Variants in AKNAD1 observed in about 807,000 individuals in gnomAD.
AKNAD1 encodes the protein protein AKNAD1.
In AKNAD1, 67 loss-of-function variants were observed where a neutral mutation model predicts 90.8. The ratio of observed to expected loss-of-function variants is 0.74; its 90% confidence interval spans 0.61 to 0.90. The LOEUF (loss-of-function observed/expected upper bound fraction) is 0.90, where lower values mean the gene tolerates loss of function less well. AKNAD1 is among the 40% of genes least tolerant of loss of function. The probability of loss-of-function intolerance (pLI) is 0.00; values close to 1 mark genes in which losing one functional copy is unlikely to be tolerated. For synonymous variants in AKNAD1, 327 were observed against 341.4 expected, an observed-to-expected ratio of 0.96 and a Z score of 0.46; for missense variants, 957 against 975.4, an observed-to-expected ratio of 0.98 and a Z score of 0.25.
At chr1:108,851,031 C>T (rs1233643970) in intron 2 of AKNAD1, among the ~76,000 whole-genome samples, 1 of 152,194 alleles carries the variant, frequency 6.6e-6, no homozygotes, top group South Asian at 2.1e-4. Flanking sequence ...GCATGAATAA[C>T]TAAGGGCATA....
At chr1:108,817,222 C>G in intron 14 of AKNAD1, 45 bp from the exon 15 acceptor site, 1 of 1,610,152 alleles carries the variant, frequency 6.2e-7, no homozygotes, top group Non-Finnish European at 8.5e-7. Flanking sequence ...GCGCCACCCT[C>G]AAGCACACTC....
At chr1:108,826,014 TGGCTGGTAAAGGAA>T (rs1349536899) in intron 11 of AKNAD1, among the ~76,000 whole-genome samples, 2 of 151,768 alleles carry the variant, frequency 1.3e-5, no homozygotes, top group Admixed American at 6.6e-5. Flanking sequence ...CACAGCTATA[TGGCTGGTAAAGGAA>T]GGACCTGGTG....
At chr1:108,855,089 T>C (rs1664991447) in intron 1 of AKNAD1, among the ~76,000 whole-genome samples, 1 of 152,132 alleles carries the variant, frequency 6.6e-6, no homozygotes, top group Non-Finnish European at 1.5e-5. Flanking sequence ...GTGGGGATAT[T>C]TAAAGGATAA....
At chr1:108,835,906 G>C (rs1165040411) in intron 7 of AKNAD1, among the ~76,000 whole-genome samples, 2 of 152,184 alleles carry the variant, frequency 1.3e-5, no homozygotes, top group Non-Finnish European at 2.9e-5. Context: ...TTACAGGCGT[G>C]AGCCACCGCA....
chr1:108,840,707 A>G (rs993937718), intron 6 of AKNAD1, among the ~76,000 whole-genome samples: 9 of 152,222 alleles, frequency 5.9e-5, no homozygotes, highest in African/African-American at 2.2e-4. Context: ...TGTATCTGAT[A>G]TAAGGGGCTT....
chr1:108,819,663 G>C (rs908342230), intron 14 of AKNAD1, among the ~76,000 whole-genome samples: 2 of 151,730 alleles, frequency 1.3e-5, no homozygotes, highest in Non-Finnish European at 2.9e-5. Flanking sequence ...TGTAATTCCA[G>C]TGCTTTGGGT....
intron 9 of AKNAD1, 147 bp from the exon 10 acceptor site, chr1:108,830,797 G>A (rs1346657941): frequency 2.8e-6 from 2 of 703,736 alleles, no homozygotes; most frequent in Non-Finnish European, 5.0e-6. Flanking sequence ...TCCAGTTGGG[G>A]AAAGGGAGGC....
chr1:108,843,377 C>T, intron 5 of AKNAD1, 110 bp from the exon 6 acceptor site: 1 of 1,319,792 alleles, frequency 7.6e-7, no homozygotes, highest in Admixed American at 2.3e-5. Context: ...ACAAAGCTGC[C>T]ATCCTTCTCC....
At chr1:108,840,917 T>A (rs1664533336) in intron 6 of AKNAD1, among the ~76,000 whole-genome samples, 1 of 152,184 alleles carries the variant, frequency 6.6e-6, no homozygotes, top group Non-Finnish European at 1.5e-5. Context: ...ATGCCTGTAA[T>A]CCCAGCACTT....
At chr1:108,857,414 C>T (rs967097165), upstream of AKNAD1, 1 of 153,076 alleles carries the variant, frequency 6.5e-6, no homozygotes, top group African/African-American at 2.4e-5. Flanking sequence ...ATCTGATGGA[C>T]TCAATTAAGA....
intron 2 of AKNAD1, among the ~76,000 whole-genome samples, chr1:108,850,363 C>G (rs562996287): frequency 4.6e-5 from 7 of 152,132 alleles, no homozygotes; most frequent in African/African-American, 7.2e-5. Context: ...ACCCCCATAC[C>G]AGAGGGAGAA....
chr1:108,851,025 G>C (rs1277206), intron 2 of AKNAD1, among the ~76,000 whole-genome samples: 1 of 151,972 alleles, frequency 6.6e-6, no homozygotes, highest in African/African-American at 2.4e-5. Flanking sequence ...GACTTAGCAT[G>C]AATAACTAAG....
chr1:108,856,864 T>A (rs1306589712), intron 1 of AKNAD1, 65 bp downstream of exon 1: 1 of 152,234 alleles, frequency 6.6e-6, no homozygotes, highest in Admixed American at 6.5e-5. Context: ...TCTGTTGTTA[T>A]TATTTTTTGC....
rs1262655750 is a variant in AKNAD1 at position 108,852,687 on chromosome 1, C to T, written c.-23G>A. 4 of 1,535,376 alleles carry T rather than the reference C, an allele frequency of 2.6e-6. No individual in the cohort carries two copies. Among genetic ancestry groups the T allele is most frequent in the Non-Finnish European group, 2.6e-6 (3 of 1,146,830 alleles). ...CATGTGTGTGCAGCCCGATCGCTCT[C>T]GTCCTCTGCCTCCTGAGCTGGCTGC... On this transcript the variant is annotated 5_prime_UTR_variant, in exon 2 of 16. Transcript: ENST00000370001.
At chr1:108,830,808 G>A (rs1397764586) in intron 9 of AKNAD1, 158 bp from the exon 10 acceptor site, 5 of 665,416 alleles carry the variant, frequency 7.5e-6, no homozygotes, top group Non-Finnish European at 8.0e-6. Flanking sequence ...AAAGGGAGGC[G>A]CAGGGGGACA....
At chr1:108,823,057 T>C (rs1663867802) in intron 13 of AKNAD1, 2 of 635,738 alleles carry the variant, frequency 3.1e-6, no homozygotes, top group Admixed American at 5.2e-5. Flanking sequence ...ATAATAGTAG[T>C]GATTATCCAG....
intron 5 of AKNAD1, among the ~76,000 whole-genome samples, chr1:108,847,982 A>C (rs1045096971): frequency 1.3e-5 from 2 of 152,218 alleles, no homozygotes; most frequent in African/African-American, 4.8e-5. Flanking sequence ...TGAATGAATG[A>C]TTTAATTAAC....
chr1:108,851,457 T>G (rs1474595835), intron 2 of AKNAD1, among the ~76,000 whole-genome samples: 1 of 152,132 alleles, frequency 6.6e-6, no homozygotes, highest in Non-Finnish European at 1.5e-5. Flanking sequence ...GAATTTGGAT[T>G]TTATTCTCTT....
intron 10 of AKNAD1, 149 bp downstream of exon 10, chr1:108,830,410 G>T: frequency 1.5e-6 from 1 of 684,170 alleles, no homozygotes; most frequent in Non-Finnish European, 2.5e-6. Flanking sequence ...TAGGGTGCGA[G>T]GGAGGCTGGG....
Sources: allele counts gnomAD v4.1 joint callset (sites outside exome capture counted in the v4.1 genomes callset), GRCh38; gene constraint gnomAD v4.1.1; transcripts MANE v1.5; gene names NCBI Gene and HGNC (gene_info 2026-07-23, HGNC 2026-07-21).